NXNL2: variants seen among roughly 807,000 people sequenced by gnomAD.
The protein encoded by NXNL2 is nucleoredoxin-like protein 2.
Under a neutral mutation model 11.1 loss-of-function variants are expected in NXNL2, and 7 were observed. The observed-to-expected ratio is 0.63, with a 90% CI of 0.36 to 1.18. The LOEUF is 1.18. Among genes scored for constraint, NXNL2 ranks in the 50% most tolerant of loss-of-function variants. NXNL2 has a pLI of 0.02. For synonymous variants in NXNL2, 109 were observed against 101.8 expected, an observed-to-expected ratio of 1.07 and a Z score of -0.42; for missense variants, 233 against 217.7, an observed-to-expected ratio of 1.07 and a Z score of -0.44.
chr9:88,539,326 G>A (rs867752294), intron 1 of NXNL2, among the ~76,000 whole-genome samples: 1 of 152,122 alleles, frequency 6.6e-6, no homozygotes, highest in South Asian at 2.1e-4. Flanking sequence ...AGATGCTGTC[G>A]GACCTGGGGG....
In NXNL2 at chr9:88,535,371, C is replaced by A; in HGVS notation, c.-64C>A. The A allele has an allele frequency of 6.9e-7, 1 of 1,451,428 alleles. No homozygotes were observed. The allele number at this position is 1,451,428 out of a possible 1,614,324, so 89.9% of individuals were successfully genotyped here. ...GGGGCACCGCGGCGCTCGCCGCCGC[C>A]TCCCCGCAGGTGATCATCCTCCTGC... On this transcript the variant is annotated 5_prime_UTR_variant, in exon 1 of 2. Transcript: ENST00000375854.
chr9:88,554,172 C>A (rs1051047704), intron 1 of NXNL2, among the ~76,000 whole-genome samples: 1 of 152,066 alleles, frequency 6.6e-6, no homozygotes, highest in Non-Finnish European at 1.5e-5. Flanking sequence ...GTAAGGACCA[C>A]TGCCCCATTC....
chr9:88,546,854 C>T (rs755322900), downstream of NXNL2, among the ~76,000 whole-genome samples: 1 of 152,316 alleles, frequency 6.6e-6, no homozygotes, highest in East Asian at 1.9e-4. Flanking sequence ...AGAAGCAATA[C>T]GTGCTCACTG....
At chr9:88,582,450 CAG>C (rs1482931817) in intron 1 of NXNL2, among the ~76,000 whole-genome samples, 1 of 151,614 alleles carries the variant, frequency 6.6e-6, no homozygotes, top group Non-Finnish European at 1.5e-5. Flanking sequence ...GCCTGGGCGA[CAG>C]AGAGAGACTT....
chr9:88,548,204 T>G (rs1274360159), downstream of NXNL2, among the ~76,000 whole-genome samples: 1 of 149,404 alleles, frequency 6.7e-6, no homozygotes, highest in Non-Finnish European at 1.5e-5. Flanking sequence ...CTGGGCGTGG[T>G]GGCAGGTGCC....
At chr9:88,580,041 G>A (rs1460232674), downstream of NXNL2, among the ~76,000 whole-genome samples, 2 of 151,996 alleles carry the variant, frequency 1.3e-5, no homozygotes, top group Non-Finnish European at 2.9e-5. Flanking sequence ...TCAGGAGGCT[G>A]AGGCAGGAGA....
rs1347595393 is a variant in NXNL2 at position 88,535,210 on chromosome 9, T to C, written c.-225T>C. On this transcript the variant is annotated 5_prime_UTR_variant, in exon 1 of 2. Transcript: ENST00000375854. ...GGTGCCGCGCTGTCGCCCAGGTATCTGGGGTCTCTGGTGTCTGAGTGTCTC... is the reference window on the plus strand; with the variant it reads ...GGTGCCGCGCTGTCGCCCAGGTATCCGGGGTCTCTGGTGTCTGAGTGTCTC... The C allele has an allele frequency of 1.8e-6, 1 of 553,746 alleles. No individual in the cohort carries two copies. The highest frequency in any genetic ancestry group is 3.1e-6 in the Non-Finnish European group (1 of 318,620). The allele number at this position is 553,746 out of a possible 1,614,324, so 34.3% of individuals were successfully genotyped here. A position where few individuals can be genotyped will look rare whatever the true frequency, so the allele number is the denominator to read the frequency against.
intron 1 of NXNL2, among the ~76,000 whole-genome samples, chr9:88,556,683 T>C (rs566596291): frequency 1.2e-4 from 19 of 152,298 alleles, no homozygotes; most frequent in South Asian, 4.1e-4. Flanking sequence ...TCAGGTTTCA[T>C]TGGGGACCTG....
At chr9:88,551,290 T>C (rs947281289) in intron 1 of NXNL2, among the ~76,000 whole-genome samples, 4 of 152,196 alleles carry the variant, frequency 2.6e-5, no homozygotes, top group Non-Finnish European at 5.9e-5. Context: ...TTTCGGCATT[T>C]CCTAGTTTTT....
At chr9:88,568,818 G>A (rs937712160) in intron 1 of NXNL2, among the ~76,000 whole-genome samples, 2 of 152,026 alleles carry the variant, frequency 1.3e-5, no homozygotes, top group Non-Finnish European at 2.9e-5. Flanking sequence ...TTTATTTCAC[G>A]TTCATTTATA....
chr9:88,557,752 G>A lies in NXNL2; in HGVS notation c.303-13335G>A, dbSNP rs553947601. Among the ~76,000 whole-genome samples, 25 of 152,320 alleles carry A rather than the reference G, an allele frequency of 1.6e-4. No homozygotes were observed. In the East Asian group the frequency reaches 4.6e-3, roughly 28 times the overall value. On this transcript the variant is annotated intron_variant, in intron 1 of 2. Transcript: ENST00000375855. ...AGCCCAGAAAACCAGCCAACCAGCA[G>A]CCACTCATCAGAATCCCTGCAGTCA... is the stretch of plus-strand genomic sequence containing the variant.
At chr9:88,555,775 G>C (rs572988195) in intron 1 of NXNL2, among the ~76,000 whole-genome samples, 1 of 152,194 alleles carries the variant, frequency 6.6e-6, no homozygotes, top group African/African-American at 2.4e-5. Context: ...CACTTAGCCT[G>C]GCGGGCTGCG....
intron 1 of NXNL2, among the ~76,000 whole-genome samples, chr9:88,556,584 AG>A (rs1267880490): frequency 2.0e-5 from 3 of 152,104 alleles, no homozygotes; most frequent in Non-Finnish European, 2.9e-5. Flanking sequence ...TGGCTATAAA[AG>A]CATCAAGGAA....
chr9:88,565,776 A>T lies in NXNL2; in HGVS notation c.303-5311A>T, dbSNP rs143002342. Among the ~76,000 whole-genome samples the T allele has an allele frequency of 3.7e-3, 567 of 152,222 alleles. 1 individual carries two copies. The highest frequency in any genetic ancestry group is 5.9e-3 in the Non-Finnish European group (402 of 68,002). On this transcript the variant is annotated intron_variant, in intron 1 of 2. Coordinates refer to the NXNL2 transcript ENST00000375855. ...GTTCTTGAGCTTCTGAACTCATGTG[A>T]TCCACCCACCTTGGTCTCCCAAAGT...
chr9:88,563,083 T>G (rs1479094861), intron 1 of NXNL2, among the ~76,000 whole-genome samples: 1 of 152,030 alleles, frequency 6.6e-6, no homozygotes, highest in African/African-American at 2.4e-5. Flanking sequence ...CGAGACTCCA[T>G]CTCAAAAATA....
downstream of NXNL2, among the ~76,000 whole-genome samples, chr9:88,545,577 A>G (rs976006333): frequency 6.6e-6 from 1 of 151,810 alleles, no homozygotes; most frequent in Non-Finnish European, 1.5e-5. Context: ...TAGTCCCTTC[A>G]ATCTCCCTCA....
chr9:88,570,681 T>C (rs969436300), intron 1 of NXNL2, among the ~76,000 whole-genome samples: 8 of 152,204 alleles, frequency 5.3e-5, no homozygotes, highest in Admixed American at 5.2e-4. Flanking sequence ...TGTAAATGCT[T>C]GGTTCATTTG....
At chr9:88,549,060 A>G (rs989189581), downstream of NXNL2, among the ~76,000 whole-genome samples, 9 of 152,196 alleles carry the variant, frequency 5.9e-5, no homozygotes, top group African/African-American at 2.2e-4. Context: ...CTATTATGAT[A>G]CACAGCCTCG....
chr9:88,555,827 G>T (rs888534025), intron 1 of NXNL2, among the ~76,000 whole-genome samples: 2 of 151,966 alleles, frequency 1.3e-5, no homozygotes, highest in African/African-American at 4.8e-5. Context: ...CCTTCTGTGG[G>T]CAAGCCAGGT....
Sources: allele counts gnomAD v4.1 joint callset (sites outside exome capture counted in the v4.1 genomes callset), GRCh38; gene constraint gnomAD v4.1.1; transcripts MANE v1.5; gene names NCBI Gene and HGNC (gene_info 2026-07-23, HGNC 2026-07-21).